Variants in MYOM2 observed in about 807,000 individuals in gnomAD.
MYOM2 encodes the protein myomesin 2, also known as myomesin-2.
A neutral mutation model predicts 187.6 loss-of-function variants in MYOM2; 254 were observed. That is an observed-to-expected ratio of 1.35 (90% CI 1.22 to 1.50). The LOEUF (loss-of-function observed/expected upper bound fraction) is 1.50, where lower values mean the gene tolerates loss of function less well. Among genes scored for constraint, MYOM2 ranks in the 40% most tolerant of loss-of-function variants. MYOM2 has a pLI of 0.00. For synonymous variants in MYOM2, 981 were observed against 753.8 expected, an observed-to-expected ratio of 1.30 and a Z score of -4.94; for missense variants, 2,796 against 1,924.0, an observed-to-expected ratio of 1.45 and a Z score of -8.48.
intron 15 of MYOM2, 37 bp from the exon 16 acceptor site, chr8:2,092,309 A>G: frequency 6.2e-7 from 1 of 1,604,078 alleles, no homozygotes. Context: ...CAAAGCTCTG[A>G]TGCCATTTCA....
chr8:2,107,747 T>G (rs1022281018), intron 23 of MYOM2, among the ~76,000 whole-genome samples: 3 of 152,212 alleles, frequency 2.0e-5, no homozygotes, highest in African/African-American at 7.2e-5. Flanking sequence ...TTGCATGCTT[T>G]TAAAGCAGCC....
intron 32 of MYOM2, among the ~76,000 whole-genome samples, chr8:2,134,853 G>C (rs1386655034): frequency 6.6e-6 from 1 of 151,936 alleles, no homozygotes; most frequent in East Asian, 1.9e-4. Flanking sequence ...CATATCTTCT[G>C]CCCCATTGCT....
At chr8:2,082,429 A>C (rs1053578423) in intron 13 of MYOM2, among the ~76,000 whole-genome samples, 6 of 152,124 alleles carry the variant, frequency 3.9e-5, no homozygotes, top group African/African-American at 1.2e-4. Context: ...TTAGCTAGAA[A>C]ATACTTGGTA....
chr8:2,080,424 C>G (rs762681522), intron 13 of MYOM2, among the ~76,000 whole-genome samples: 2 of 152,330 alleles, frequency 1.3e-5, no homozygotes, highest in South Asian at 4.1e-4. Flanking sequence ...GAAGATTTTT[C>G]TCTAGGATCT....
chr8:2,060,157 C>T (rs1818804933), intron 6 of MYOM2, among the ~76,000 whole-genome samples: 1 of 152,172 alleles, frequency 6.6e-6, no homozygotes, highest in African/African-American at 2.4e-5. Flanking sequence ...CAGCTTTTTT[C>T]AGCAGTAGTA....
chr8:2,077,847 C>G (rs1419250186), intron 11 of MYOM2, among the ~76,000 whole-genome samples: 4 of 152,238 alleles, frequency 2.6e-5, no homozygotes, highest in African/African-American at 7.2e-5. Flanking sequence ...GGGCTTACGA[C>G]TTGCCAGCTG....
intron 14 of MYOM2, among the ~76,000 whole-genome samples, chr8:2,087,415 TG>T (rs1470649153): frequency 6.6e-6 from 1 of 152,164 alleles, no homozygotes; most frequent in Non-Finnish European, 1.5e-5. Flanking sequence ...GTATGCTATC[TG>T]GGGGGTAGAA....
rs531581375 is a variant in MYOM2, at chr8:2,055,564, A to C, written c.264-1784A>C. On this transcript the variant is annotated intron_variant, in intron 3 of 36. Coordinates refer to ENST00000262113, the MANE Select transcript of MYOM2 (RefSeq NM_003970.4). ...GAGGTCCCCGATTCCTAAGGAGATA[A>C]ATCCACATTCCTTTCATGGTTAGAT... Among the ~76,000 whole-genome samples the C allele has an allele frequency of 9.2e-5, 14 of 152,252 alleles. No homozygotes were observed. The South Asian group carries it at 2.9e-3, about 32-fold the overall frequency.
chr8:2,066,048 C>G (rs932972317), intron 6 of MYOM2, among the ~76,000 whole-genome samples: 10 of 152,338 alleles, frequency 6.6e-5, no homozygotes, highest in African/African-American at 2.4e-4. Context: ...CACACTCCCG[C>G]TCCTCGAGTA....
At chr8:2,130,113 G>A (rs1310155433) in intron 32 of MYOM2, among the ~76,000 whole-genome samples, 7 of 147,456 alleles carry the variant, frequency 4.7e-5, no homozygotes, top group Non-Finnish European at 8.9e-5. Flanking sequence ...TTTAGTTAAC[G>A]CCCCTCAGTA....
chr8:2,072,403 T>A lies in MYOM2; in HGVS notation c.852T>A (p.Phe284Leu), dbSNP rs1193470514. The stretch of plus-strand genomic sequence containing the variant: ...TCGACGTCCAGTTTTTGGAGAAGTT[T>A]GGGGTCACCTTCAGGAGGGAAGGCG... Reference protein sequence around the residue: ...THFDVQFLEKFGVTFRREGET... With the variant: ...THFDVQFLEKLGVTFRREGET... Residue 284 changes from phenylalanine (F) to leucine (L), a missense_variant, in exon 9 of 37, where the codon TTT (phenylalanine) becomes TTA (leucine). Coordinates refer to ENST00000262113, the MANE Select transcript of MYOM2 (RefSeq NM_003970.4). The A allele has an allele frequency of 7.4e-6, 12 of 1,614,066 alleles. No individual in the cohort carries two copies. The highest frequency in any genetic ancestry group is 9.3e-6 in the Non-Finnish European group (11 of 1,180,040).
intron 30 of MYOM2, 89 bp from the exon 31 acceptor site, chr8:2,124,090 T>A: frequency 7.7e-7 from 1 of 1,306,972 alleles, no homozygotes; most frequent in Non-Finnish European, 1.1e-6. Flanking sequence ...AACATCACAA[T>A]TTCCTGCATC....
chr8:2,071,504 CGTTT>C (rs1819216913), intron 8 of MYOM2, among the ~76,000 whole-genome samples: 1 of 152,072 alleles, frequency 6.6e-6, no homozygotes, highest in Admixed American at 6.5e-5. Context: ...CAAATACCAC[CGTTT>C]GTTTTGAGGA....
rs755185825 is a variant in MYOM2 at position 2,057,603 on chromosome 8, A to G, written c.403-20A>G. On this transcript the variant is annotated intron_variant, in intron 4 of 36. Transcript: ENST00000262113. Reference sequence around the variant, plus strand: ...TGGCTCGCTGCCTGGGAACCTGACCATCCTTGCTTCTCGGGGCAGATGGAG... The same window carrying G: ...TGGCTCGCTGCCTGGGAACCTGACCGTCCTTGCTTCTCGGGGCAGATGGAG... The G allele has an allele frequency of 5.0e-6, 8 of 1,613,544 alleles. No homozygotes were observed. The South Asian group carries it at 7.7e-5, about 16-fold the overall frequency.
chr8:2,086,543 G>A (rs757947133), intron 14 of MYOM2, among the ~76,000 whole-genome samples: 2 of 151,196 alleles, frequency 1.3e-5, no homozygotes, highest in Non-Finnish European at 3.0e-5. Context: ...TGTTTGCTGT[G>A]TTTTAAAGAT....
intron 17 of MYOM2, 58 bp downstream of exon 17, chr8:2,094,149 TG>T (rs1183247797): frequency 1.9e-6 from 3 of 1,588,696 alleles, no homozygotes; most frequent in Non-Finnish European, 2.6e-6. Context: ...CATTTCTGCA[TG>T]AATAAACATT....
At chr8:2,108,386 G>C (rs890681099) in intron 23 of MYOM2, among the ~76,000 whole-genome samples, 1 of 151,904 alleles carries the variant, frequency 6.6e-6, no homozygotes, top group African/African-American at 2.4e-5. Context: ...TCTTGAGAGG[G>C]GAAGGAAAGT....
chr8:2,132,218 TG>T (rs2116890708), intron 32 of MYOM2, among the ~76,000 whole-genome samples: 1 of 150,660 alleles, frequency 6.6e-6, no homozygotes, highest in Non-Finnish European at 1.5e-5. Flanking sequence ...TGCCAAAGAC[TG>T]GTGCTGTGGG....
At chr8:2,079,496 G>T in intron 12 of MYOM2, 64 bp from the exon 13 acceptor site, 1 of 1,529,786 alleles carries the variant, frequency 6.5e-7, no homozygotes. Context: ...CACAGAATGA[G>T]GGAAAACGGG....
Sources: allele counts gnomAD v4.1 joint callset (sites outside exome capture counted in the v4.1 genomes callset), GRCh38; gene constraint gnomAD v4.1.1; transcripts MANE v1.5; gene names NCBI Gene and HGNC (gene_info 2026-07-23, HGNC 2026-07-21).